The following TCF12 variants were observed in gnomAD, a reference collection of about 807,000 sequenced individuals.
The protein encoded by TCF12 is DNA-binding protein HTF4.
In TCF12, 45 loss-of-function variants were observed where a neutral mutation model predicts 86.0. That is an observed-to-expected ratio of 0.52 (90% CI 0.41 to 0.67). TCF12 has a LOEUF of 0.67. TCF12 is among the 30% of genes least tolerant of loss of function. The probability of loss-of-function intolerance (pLI) is 0.00; values close to 1 mark genes in which losing one functional copy is unlikely to be tolerated. For missense variants in TCF12, 881 were observed against 859.9 expected (o/e 1.02, Z -0.31); for synonymous variants, 330 against 299.6 (o/e 1.10, Z -1.05).
At chr15:57,182,115 C>T (rs1308057867) in intron 6 of TCF12, among the ~76,000 whole-genome samples, 3 of 152,084 alleles carry the variant, frequency 2.0e-5, no homozygotes, top group African/African-American at 7.2e-5. Flanking sequence ...TGGGATCGTT[C>T]TGTATTCTTT....
At chr15:57,203,370 T>C (rs181912351) in intron 8 of TCF12, among the ~76,000 whole-genome samples, 207 of 152,298 alleles carry the variant, frequency 1.4e-3, no homozygotes, top group African/African-American at 4.7e-3. Context: ...TAAGTTAGTG[T>C]TAATATTTCC....
rs371468863 is a variant in TCF12 at position 57,120,401 on chromosome 15, A to C, written c.325+28510A>C. 5.3e-5 allele frequency among the ~76,000 whole-genome samples: 8 copies of C among 152,268 alleles called. No individual in the cohort carries two copies. The East Asian group carries it at 9.6e-4, about 18-fold the overall frequency. ...TTGATTCATTTCTTCCCTTGGCCCT[A>C]TCCAATATCTGATATATATCAAGTG... On this transcript the variant is annotated intron_variant, in intron 5 of 20. Coordinates refer to ENST00000333725, the MANE Select transcript of TCF12 (RefSeq NM_207037.2).
chr15:57,254,990 T>C (rs1814222516), intron 16 of TCF12, among the ~76,000 whole-genome samples: 1 of 152,204 alleles, frequency 6.6e-6, no homozygotes, highest in African/African-American at 2.4e-5. Flanking sequence ...GCAGAATAAC[T>C]TAATAATTTG....
intron 8 of TCF12, among the ~76,000 whole-genome samples, chr15:57,209,812 C>T (rs2058026354): frequency 1.3e-5 from 2 of 152,184 alleles, no homozygotes; most frequent in Admixed American, 1.3e-4. Context: ...CAGACTTCAT[C>T]TTCTACCACT....
At chr15:56,971,851 C>G (rs2062347787) in intron 3 of TCF12, among the ~76,000 whole-genome samples, 1 of 152,008 alleles carries the variant, frequency 6.6e-6, no homozygotes, top group Non-Finnish European at 1.5e-5. Flanking sequence ...CCAAACTAGG[C>G]AAATGTGTAA....
intron 3 of TCF12, among the ~76,000 whole-genome samples, chr15:56,996,229 A>G (rs2063707871): frequency 3.3e-5 from 5 of 152,114 alleles, no homozygotes. Flanking sequence ...CATCAGTGAT[A>G]CTGGCCTGAA....
intron 3 of TCF12, among the ~76,000 whole-genome samples, chr15:56,928,008 A>G (rs1208921235): frequency 6.6e-6 from 1 of 152,122 alleles, no homozygotes; most frequent in African/African-American, 2.4e-5. Flanking sequence ...AGTGGAGTCT[A>G]ATTGGAGTCT....
chr15:57,221,320 A>G (rs1445857417), intron 8 of TCF12, among the ~76,000 whole-genome samples: 1 of 150,122 alleles, frequency 6.7e-6, no homozygotes, highest in African/African-American at 2.5e-5. Flanking sequence ...TGTGAAAATA[A>G]TTTTCTTTTG....
chr15:57,219,571 A>T (rs762255482), intron 8 of TCF12: 2 of 1,613,454 alleles, frequency 1.2e-6, no homozygotes, highest in Non-Finnish European at 1.7e-6. Context: ...TCTTTGATGT[A>T]TTACTACAAT....
intron 5 of TCF12, among the ~76,000 whole-genome samples, chr15:57,154,562 C>T (rs751984979): frequency 3.3e-5 from 5 of 152,136 alleles, no homozygotes; most frequent in Non-Finnish European, 5.9e-5. Context: ...TTTTATGTTT[C>T]GACTTCTCAG....
At chr15:56,975,664 C>T (rs2062561069) in intron 3 of TCF12, among the ~76,000 whole-genome samples, 1 of 151,472 alleles carries the variant, frequency 6.6e-6, no homozygotes, top group Non-Finnish European at 1.5e-5. Context: ...TTGTTTGTTT[C>T]CTGCTATTTA....
chr15:57,045,496 A>G (rs2067173867), intron 3 of TCF12, among the ~76,000 whole-genome samples: 1 of 152,096 alleles, frequency 6.6e-6, no homozygotes, highest in Admixed American at 6.6e-5. Context: ...ATCACTTGCT[A>G]TAATAAGTCA....
intron 4 of TCF12, among the ~76,000 whole-genome samples, chr15:57,068,571 T>C (rs2069101702): frequency 6.6e-6 from 1 of 152,214 alleles, no homozygotes; most frequent in Admixed American, 6.5e-5. Flanking sequence ...ATAAAAGTTA[T>C]CAGTCTCTCT....
intron 3 of TCF12, among the ~76,000 whole-genome samples, chr15:56,946,337 AGG>A (rs1255902928): frequency 1.3e-5 from 2 of 152,122 alleles, no homozygotes; most frequent in African/African-American, 4.8e-5. Flanking sequence ...CTGTGTCTTC[AGG>A]CTACCGATCT....
intron 6 of TCF12, among the ~76,000 whole-genome samples, chr15:57,176,276 A>G (rs1191015262): frequency 4.6e-5 from 7 of 152,192 alleles, no homozygotes; most frequent in Admixed American, 2.0e-4. Context: ...GGCTTTCCAA[A>G]TGGTGTTGAT....
intron 3 of TCF12, among the ~76,000 whole-genome samples, chr15:57,002,469 C>T (rs1227461016): frequency 6.6e-6 from 1 of 152,200 alleles, no homozygotes; most frequent in African/African-American, 2.4e-5. Flanking sequence ...CATATATCTT[C>T]ATATTCATAA....
At chr15:57,281,978 GACC>G (rs2061711571) in intron 19 of TCF12, among the ~76,000 whole-genome samples, 2 of 152,052 alleles carry the variant, frequency 1.3e-5, no homozygotes, top group South Asian at 4.2e-4. Flanking sequence ...AAAGGTTGGG[GACC>G]ACTGCTTTAG....
At chr15:57,218,680 G>A (rs1188007974) in intron 8 of TCF12, among the ~76,000 whole-genome samples, 2 of 152,228 alleles carry the variant, frequency 1.3e-5, no homozygotes, top group Admixed American at 6.5e-5. Context: ...TCCTATTGCA[G>A]GACATTATAA....
chr15:57,104,520 C>T (rs1170987530), intron 5 of TCF12, among the ~76,000 whole-genome samples: 5 of 145,956 alleles, frequency 3.4e-5, no homozygotes, highest in Admixed American at 2.1e-4. Flanking sequence ...CGGCTCACCA[C>T]GACCTCCACC....
Sources: gnomAD v4.1 joint callset for allele counts (sites outside exome capture counted in the v4.1 genomes callset) on GRCh38, gnomAD v4.1.1 for gene constraint, MANE v1.5 for transcripts, NCBI Gene and HGNC (gene_info 2026-07-23, HGNC 2026-07-21) for gene names.